ARHGEF11: variants seen among roughly 807,000 people sequenced by gnomAD.
ARHGEF11 encodes the protein Rho guanine exchange factor (GEF) 11.
In ARHGEF11, 55 loss-of-function variants were observed where a neutral mutation model predicts 193.7. That is an observed-to-expected ratio of 0.28 (90% confidence interval 0.23 to 0.36). The LOEUF is 0.36. Ranked by LOEUF, ARHGEF11 falls within the 10% of genes least tolerant of loss-of-function variation. The pLI is 1.00. For synonymous variants in ARHGEF11, 693 were observed against 768.0 expected (o/e 0.90, Z 1.62); for missense variants, 1,723 against 2,005.6 (o/e 0.86, Z 2.69).
At chr1:157,031,805 G>C (rs11584902) in intron 1 of ARHGEF11, among the ~76,000 whole-genome samples, 11,760 of 152,176 alleles carry the variant, frequency 0.077, 546 homozygotes, top group Non-Finnish European at 0.096. Context: ...CTCCTGCAAG[G>C]GTAGAACAAC....
intron 1 of ARHGEF11, among the ~76,000 whole-genome samples, chr1:157,023,765 C>CAAAAAAAA (rs34617659): frequency 1.6e-5 from 2 of 124,552 alleles, no homozygotes; most frequent in African/African-American, 6.2e-5. Context: ...GACTCCATCT[C>CAAAAAAAA]AAAAAAAAAA....
chr1:157,017,706 C>CAAAAAA (rs1047573559), intron 1 of ARHGEF11, among the ~76,000 whole-genome samples: 186 of 41,048 alleles, frequency 4.5e-3, no homozygotes, highest in Middle Eastern at 0.012. Flanking sequence ...GACTCCGTCT[C>CAAAAAA]AAAAAAAAAA....
chr1:156,978,230 G>T lies in ARHGEF11; in HGVS notation c.484C>A (p.Arg162Ser). 6.2e-7 allele frequency: 1 copy of T among 1,614,182 alleles called. No homozygotes were observed. Among genetic ancestry groups the T allele is most frequent in the Middle Eastern group, 1.6e-4 (1 of 6,062 alleles). Residue 162 changes from arginine (R) to serine (S), a missense_variant, in exon 6 of 41, where the codon CGC (arginine) becomes AGC (serine). Arg to Ser is a moderately radical substitution (Grantham distance 110, BLOSUM62 -1). Coordinates refer to ENST00000368194, the MANE Select transcript of ARHGEF11 (RefSeq NM_198236.3). Reference sequence around the variant, plus strand: ...TGCAGAGGTTTGGGTCCTGTGATGCGTTGTGGAGGTGGTAGAGGTGGAGGA... The same window carrying T: ...TGCAGAGGTTTGGGTCCTGTGATGCTTTGTGGAGGTGGTAGAGGTGGAGGA... Reference protein sequence around the residue: ...PPPPPLPPPQRITGPKPLQDP... With the variant: ...PPPPPLPPPQSITGPKPLQDP...
At chr1:157,017,957 A>C (rs1434769502) in intron 1 of ARHGEF11, among the ~76,000 whole-genome samples, 3 of 152,142 alleles carry the variant, frequency 2.0e-5, no homozygotes, top group African/African-American at 7.2e-5. Flanking sequence ...CTAGAGAATT[A>C]ACAAAAAAGC....
intron 15 of ARHGEF11, 80 bp downstream of exon 15, chr1:156,960,338 T>A (rs925696532): frequency 3.5e-6 from 5 of 1,426,162 alleles, no homozygotes; most frequent in Middle Eastern, 3.5e-4. Flanking sequence ...ACTATGTCCC[T>A]TCTGTCCTCT....
chr1:157,011,728 A>ACATACAAAT (rs1668568246), intron 1 of ARHGEF11, among the ~76,000 whole-genome samples: 1 of 152,242 alleles, frequency 6.6e-6, no homozygotes, highest in Middle Eastern at 3.2e-3. Context: ...CATATGGAAG[A>ACATACAAAT]GGCTCAATAT....
chr1:156,946,519 T>A, intron 28 of ARHGEF11, 143 bp downstream of exon 28: 1 of 1,211,334 alleles, frequency 8.3e-7, no homozygotes, highest in Non-Finnish European at 1.2e-6. Context: ...CTAGAGTGAG[T>A]CAGTGCTTTT....
At chr1:157,005,591 C>A (rs544157085) in intron 1 of ARHGEF11, among the ~76,000 whole-genome samples, 21 of 152,194 alleles carry the variant, frequency 1.4e-4, no homozygotes, top group Non-Finnish European at 2.8e-4. Flanking sequence ...CCAATTCTAT[C>A]AAAACCTTAC....
intron 1 of ARHGEF11, among the ~76,000 whole-genome samples, chr1:156,997,830 TA>T (rs1221141787): frequency 1.3e-5 from 2 of 152,100 alleles, no homozygotes; most frequent in Admixed American, 6.5e-5. Context: ...AATATATCAT[TA>T]AAAATAATTT....
intron 1 of ARHGEF11, among the ~76,000 whole-genome samples, chr1:157,017,480 G>C (rs1252245512): frequency 1.3e-5 from 2 of 152,112 alleles, no homozygotes; most frequent in African/African-American, 4.8e-5. Context: ...GGTCGAGGCA[G>C]GTGGATCACG....
intron 15 of ARHGEF11, among the ~76,000 whole-genome samples, chr1:156,959,630 T>C (rs899361791): frequency 2.0e-5 from 3 of 152,214 alleles, no homozygotes; most frequent in Admixed American, 6.5e-5. Context: ...TTGGGAGCTG[T>C]GTTTCATTCT....
Position 157,033,389 on chromosome 1 carries a change from C to T in ARHGEF11, c.32+10910G>A, listed in dbSNP as rs548198801. ...TAACCTCTGATCTCTCATTTTTCTC[C>T]CTCTCTGAAGTCACTTCCGTAGCAG... On this transcript the variant is annotated intron_variant, in intron 1 of 40. Transcript: ENST00000368194. 3.9e-5 allele frequency among the ~76,000 whole-genome samples: 6 copies of T among 152,208 alleles called. No individual in the cohort carries two copies. The South Asian group carries it at 6.2e-4, about 16-fold the overall frequency.
chr1:157,045,950 G>A (rs1361789043), upstream of ARHGEF11, among the ~76,000 whole-genome samples: 2 of 150,366 alleles, frequency 1.3e-5, no homozygotes, highest in African/African-American at 4.9e-5. Context: ...CTCACGCCGC[G>A]GCGGCCGGGG....
At chr1:156,961,864 AT>A in intron 13 of ARHGEF11, 89 bp from the exon 14 acceptor site, 2 of 1,173,124 alleles carry the variant, frequency 1.7e-6, no homozygotes, top group East Asian at 2.4e-5. Context: ...GTCTGGAGAC[AT>A]TTTTAGTTGT....
At chr1:157,033,343 AC>A (rs1484381167) in intron 1 of ARHGEF11, among the ~76,000 whole-genome samples, 1 of 151,892 alleles carries the variant, frequency 6.6e-6, no homozygotes, top group Non-Finnish European at 1.5e-5. Context: ...GCCTCCGCAT[AC>A]CCCCATATAA....
Position 157,014,338 on chromosome 1 carries a change from A to G in ARHGEF11, c.33-28165T>C, listed in dbSNP as rs1292342634. 2.6e-5 allele frequency among the ~76,000 whole-genome samples: 4 copies of G among 151,958 alleles called. 1 individual carries two copies. On this transcript the variant is annotated intron_variant, in intron 1 of 40. Transcript: ENST00000368194. ...CAAATCTCACTCATGCCTCTCCTAA[A>G]TCTTCAAGATCTAATTGTATTGGCT...
rs1660403431 is a variant in ARHGEF11 at position 156,959,118 on chromosome 1, T to C, written c.1307A>G (p.Asp436Gly). 6.2e-7 allele frequency: 1 copy of C among 1,614,172 alleles called. No individual in the cohort carries two copies. ...EIDSRLRNSE[D>G]ARGVLCEAQE... ...AGCTTCACAGAGAACACCACGGGCATCTTCGCTGTTCCGCAGGCGCGAGTC... is the reference window on the plus strand; with the variant it reads ...AGCTTCACAGAGAACACCACGGGCACCTTCGCTGTTCCGCAGGCGCGAGTC... The change falls in exon 16 of 41, where the codon GAT becomes GGT. Residue 436 changes from aspartate (D) to glycine (G), a missense_variant. Coordinates refer to ENST00000368194, the MANE Select transcript of ARHGEF11 (RefSeq NM_198236.3).
Position 156,936,979 on chromosome 1 carries a change from C to T in ARHGEF11, c.4467G>A (p.Leu1489=). ...LKDMELAHRE[L]LKSLGGESSG... ...ATGACTCTCCCCCAAGGGACTTGAG[C>T]AGCTCTCTGTGGGCCAGCTCCATAT... The change falls in exon 40 of 41, where the codon CTG becomes CTA. Residue 1489 remains leucine, a synonymous_variant. Transcript: ENST00000368194. 6.2e-7 allele frequency: 1 copy of T among 1,614,092 alleles called. No homozygotes were observed. The highest frequency in any genetic ancestry group is 1.3e-5 in the African/African-American group (1 of 75,046).
upstream of ARHGEF11, among the ~76,000 whole-genome samples, chr1:157,045,746 G>A (rs1225383662): frequency 6.7e-6 from 1 of 150,132 alleles, no homozygotes; most frequent in African/African-American, 2.4e-5. Context: ...TCCGACTGCC[G>A]GCGTCGCGGC....
Sources: allele counts gnomAD v4.1 joint callset (sites outside exome capture counted in the v4.1 genomes callset), GRCh38; gene constraint gnomAD v4.1.1; transcripts MANE v1.5; gene names NCBI Gene and HGNC (gene_info 2026-07-23, HGNC 2026-07-21).